Variants in DLG2 observed in about 807,000 individuals in gnomAD.
DLG2 encodes disks large homolog 2.
DLG2 carries 45 observed loss-of-function variants against 132.5 expected under a neutral mutation model. The observed-to-expected ratio is 0.34, with a 90% CI of 0.27 to 0.44. DLG2 has a LOEUF of 0.44. Among genes scored for constraint, DLG2 ranks in the 20% least tolerant of loss-of-function variants. The pLI is 1.00. For missense variants in DLG2, 1,045 were observed against 1,196.9 expected (o/e 0.87, Z 1.87); for synonymous variants, 424 against 419.6 (o/e 1.01, Z -0.13).
chr11:84,640,209 G>A (rs540799233), intron 6 of DLG2: 1 of 290,266 alleles, frequency 3.4e-6, no homozygotes, highest in African/African-American at 2.3e-5. Flanking sequence ...ACTCTTTGTA[G>A]TCATGCACAG....
At chr11:84,610,478 A>C (rs1425535410) in intron 6 of DLG2, among the ~76,000 whole-genome samples, 1 of 152,128 alleles carries the variant, frequency 6.6e-6, no homozygotes, top group African/African-American at 2.4e-5. Context: ...TAGTGACCTA[A>C]ACCAGAATTA....
At chr11:84,528,983 G>A (rs997273303) in intron 7 of DLG2, among the ~76,000 whole-genome samples, 1 of 152,150 alleles carries the variant, frequency 6.6e-6, no homozygotes, top group African/African-American at 2.4e-5. Flanking sequence ...TATTTAAAAA[G>A]TAGCTTTAGG....
chr11:84,907,038 C>A (rs2091591789), intron 6 of DLG2, among the ~76,000 whole-genome samples: 1 of 152,036 alleles, frequency 6.6e-6, no homozygotes, highest in South Asian at 2.1e-4. Context: ...TTTTAAAACC[C>A]AAAAGGAATG....
intron 3 of DLG2, among the ~76,000 whole-genome samples, chr11:85,460,724 C>A (rs1271659910): frequency 1.3e-5 from 2 of 152,204 alleles, no homozygotes; most frequent in African/African-American, 4.8e-5. Flanking sequence ...TGTCTTTAGT[C>A]CAATTTCTTC....
intron 11 of DLG2, among the ~76,000 whole-genome samples, chr11:84,033,182 C>T (rs1260261529): frequency 6.6e-6 from 1 of 152,100 alleles, no homozygotes; most frequent in Non-Finnish European, 1.5e-5. Flanking sequence ...CTATAGCTGC[C>T]ATAAATTGTG....
intron 18 of DLG2, among the ~76,000 whole-genome samples, chr11:83,661,147 G>A (rs2074157571): frequency 6.6e-6 from 1 of 152,066 alleles, no homozygotes; most frequent in African/African-American, 2.4e-5. Flanking sequence ...ACAACCTTGT[G>A]CTGTGGGGGA....
intron 7 of DLG2, among the ~76,000 whole-genome samples, chr11:84,372,875 G>T (rs1308710871): frequency 6.6e-6 from 1 of 152,020 alleles, no homozygotes; most frequent in Non-Finnish European, 1.5e-5. Context: ...TCAGTAGCTT[G>T]GTAGCACTGA....
intron 6 of DLG2, among the ~76,000 whole-genome samples, chr11:84,755,754 A>T (rs555461016): frequency 5.4e-4 from 83 of 152,344 alleles, no homozygotes; most frequent in South Asian, 1.9e-3. Context: ...TATCTAAGGT[A>T]GGTCAACAGA....
chr11:84,688,605 T>A (rs768929752), intron 6 of DLG2, among the ~76,000 whole-genome samples: 1 of 152,160 alleles, frequency 6.6e-6, no homozygotes, highest in African/African-American at 2.4e-5. Context: ...TGAGCTAAAG[T>A]AGCAAATGTT....
At chr11:84,003,648 G>C (rs2094454958) in intron 11 of DLG2, among the ~76,000 whole-genome samples, 1 of 152,050 alleles carries the variant, frequency 6.6e-6, no homozygotes, top group Admixed American at 6.6e-5. Flanking sequence ...TAGTATGGGG[G>C]AAAACACCCC....
chr11:85,191,160 G>GCACACACACACACACACACACACA (rs1256970184), intron 4 of DLG2, among the ~76,000 whole-genome samples: 1 of 101,108 alleles, frequency 9.9e-6, no homozygotes, highest in African/African-American at 4.4e-5. Context: ...GCGCGCACGC[G>GCACACACACACACACACACACACA]CGCACACACA....
At chr11:84,277,468 C>T (rs187435315) in intron 7 of DLG2, among the ~76,000 whole-genome samples, 1 of 152,074 alleles carries the variant, frequency 6.6e-6, no homozygotes, top group East Asian at 1.9e-4. Flanking sequence ...GACACAATTC[C>T]AAATAGCTCA....
At chr11:85,111,841 T>C (rs762632291) in intron 5 of DLG2, 106 bp from the exon 6 acceptor site, 32 of 799,242 alleles carry the variant, frequency 4.0e-5, no homozygotes, top group Non-Finnish European at 4.7e-5. Context: ...TTATTTATAA[T>C]CATAGAGAGA....
At chr11:83,600,723 A>G (rs948416606) in intron 19 of DLG2, among the ~76,000 whole-genome samples, 12 of 152,256 alleles carry the variant, frequency 7.9e-5, no homozygotes, top group African/African-American at 2.7e-4. Flanking sequence ...TACCTTTCCT[A>G]AAGCCTGAGC....
rs569918470 is a variant in DLG2 at position 84,308,648 on chromosome 11, G to T, written c.520-57357C>A. ...CCGGCCGCACAGGAGCTCACGGAGTGGGGGAGGCTCAGGCATGGTCCCGAG... is the reference window on the plus strand; with the variant it reads ...CCGGCCGCACAGGAGCTCACGGAGTTGGGGAGGCTCAGGCATGGTCCCGAG... On this transcript the variant is annotated intron_variant, in intron 7 of 27. Transcript: ENST00000376104. Among the ~76,000 whole-genome samples, 5 of 152,180 alleles carry T rather than the reference G, an allele frequency of 3.3e-5. 1 individual carries two copies. The highest frequency in any genetic ancestry group is 3.9e-4 in the East Asian group (2 of 5,164).
At chr11:84,744,916 A>AAAG (rs1555200262) in intron 6 of DLG2, among the ~76,000 whole-genome samples, 1 of 150,874 alleles carries the variant, frequency 6.6e-6, no homozygotes, top group Non-Finnish European at 1.5e-5. Flanking sequence ...AAAAAAAAAA[A>AAAG]AAAGAAACCT....
chr11:83,635,658 A>G (rs924843755), intron 18 of DLG2, among the ~76,000 whole-genome samples: 2 of 152,100 alleles, frequency 1.3e-5, no homozygotes, highest in Non-Finnish European at 2.9e-5. Context: ...TTGTATTAAG[A>G]CTTTTCCCCC....
intron 6 of DLG2, among the ~76,000 whole-genome samples, chr11:84,890,482 C>T (rs770935085): frequency 6.6e-6 from 1 of 152,132 alleles, no homozygotes; most frequent in Non-Finnish European, 1.5e-5. Context: ...AATTCTGTAC[C>T]TATCTGATAT....
At position 84,294,557 on chromosome 11, in the gene DLG2, C is replaced by T. The variant is rs373139992; in HGVS notation, c.520-43266G>A. ...AGGTTGCAGTGAGCCGAGATCGCGG[C>T]ACTGCATTCCAGCCTGGGTGACAGT... On this transcript the variant is annotated intron_variant, in intron 7 of 27. Transcript: ENST00000376104. Among the ~76,000 whole-genome samples, 99 of 152,302 alleles carry T rather than the reference C, an allele frequency of 6.5e-4. 1 individual carries two copies. The South Asian group carries it at 0.013, about 20-fold the overall frequency.
Sources: allele counts gnomAD v4.1 joint callset (sites outside exome capture counted in the v4.1 genomes callset), GRCh38; gene constraint gnomAD v4.1.1; transcripts MANE v1.5; gene names NCBI Gene and HGNC (gene_info 2026-07-23, HGNC 2026-07-21).